Variants in ZNF615 observed in about 807,000 individuals in gnomAD.
ZNF615 encodes the protein zinc finger protein 615.
Under a neutral mutation model 15.3 loss-of-function variants are expected in ZNF615, and 15 were observed. The observed-to-expected ratio is 0.98, with a 90% CI of 0.66 to 1.51. ZNF615 has a LOEUF of 1.51. Ranked by LOEUF, ZNF615 falls within the 40% of genes most tolerant of loss-of-function variation. The pLI is 0.00. For synonymous variants in ZNF615, 268 were observed against 294.6 expected (o/e 0.91, Z 0.92); for missense variants, 848 against 895.9 (o/e 0.95, Z 0.68).
Position 51,994,050 on chromosome 19 carries a change from T to C in ZNF615, c.1059A>G (p.Lys353=), listed in dbSNP as rs2086339484. The C allele has an allele frequency of 3.1e-6, 5 of 1,613,954 alleles. No homozygotes were observed. The South Asian group carries it at 4.4e-5, about 14-fold the overall frequency. Residue 353 remains lysine (K), a synonymous_variant, in exon 7 of 7, where the codon AAA becomes AAG. Transcript: ENST00000598071. ...TTHQKTHTGE[K]PYICSECGKG... The stretch of plus-strand genomic sequence containing the variant: ...TTCCACATTCACTACATATATAAGG[T>C]TTTTCTCCTGTATGAGTTTTCTGAT...
intron 6 of ZNF615, among the ~76,000 whole-genome samples, chr19:51,995,788 T>C (rs996182502): frequency 6.6e-6 from 1 of 151,460 alleles, no homozygotes; most frequent in Non-Finnish European, 1.5e-5. Context: ...TCTAGGCTGG[T>C]CTCACAAGCT....
At chr19:51,995,201 A>G (rs1568499274) in intron 6 of ZNF615, among the ~76,000 whole-genome samples, 1 of 152,242 alleles carries the variant, frequency 6.6e-6, no homozygotes, top group African/African-American at 2.4e-5. Context: ...TCTCTTACAC[A>G]TAAAGGAAAT....
intron 2 of ZNF615, among the ~76,000 whole-genome samples, chr19:52,006,067 T>C (rs187915736): frequency 6.6e-6 from 1 of 152,316 alleles, no homozygotes; most frequent in East Asian, 1.9e-4. Context: ...CCTAAAACTT[T>C]CTTAAAAGGT....
At position 51,994,272 on chromosome 19, in the gene ZNF615, G is replaced by A. The variant is rs754207125; in HGVS notation, c.837C>T (p.Thr279=). 2 of 1,613,970 alleles carry A rather than the reference G, an allele frequency of 1.2e-6. No homozygotes were observed. Among genetic ancestry groups the A allele is most frequent in the African/African-American group, 1.3e-5 (1 of 74,908 alleles). ...TATTGAGCTGTGATTTCTTGAGGAAGGTTTTGTCACATTCAGTGCATTCAT... is the reference window on the plus strand; with the variant it reads ...TATTGAGCTGTGATTTCTTGAGGAAAGTTTTGTCACATTCAGTGCATTCAT... ...KHYECTECDK[T]FLKKSQLNIH... is the part of the protein sequence containing the mutation. Residue 279 remains threonine, a synonymous_variant, in exon 7 of 7, where the codon ACC becomes ACT. Coordinates refer to ENST00000598071, the MANE Select transcript of ZNF615 (RefSeq NM_001199324.2).
At chr19:52,002,346 G>A in intron 3 of ZNF615, 65 bp from the exon 4 acceptor site, 1 of 1,610,942 alleles carries the variant, frequency 6.2e-7, no homozygotes, top group South Asian at 1.1e-5. Flanking sequence ...GAATGTCAAG[G>A]AAGTCATTCC....
In ZNF615 at chr19:52,003,911, A is replaced by C; in HGVS notation, c.-189-11T>G. The C allele has an allele frequency of 5.8e-6, 8 of 1,370,058 alleles. No individual in the cohort carries two copies. Among genetic ancestry groups the C allele is most frequent in the Non-Finnish European group, 6.6e-6 (7 of 1,063,336 alleles). The allele number at this position is 1,370,058 out of a possible 1,614,324, so 84.9% of individuals were successfully genotyped here. A position where few individuals can be genotyped will look rare whatever the true frequency, so the allele number is the denominator to read the frequency against. On this transcript the variant is annotated splice_polypyrimidine_tract_variant and intron_variant, in intron 2 of 6. Coordinates refer to ENST00000598071, the MANE Select transcript of ZNF615 (RefSeq NM_001199324.2). ...CTCAGCACCTGTGGGCTGAAGAGCA[A>C]ATTACTCTGAGTGGTACATTCTTTT...
rs528150579 is a variant in ZNF615 at position 51,997,320 on chromosome 19, T to C, written c.272-2483A>G. Among the ~76,000 whole-genome samples, 66 of 152,084 alleles carry C rather than the reference T, an allele frequency of 4.3e-4. 1 individual carries two copies. The South Asian group carries it at 0.013, about 31-fold the overall frequency. On this transcript the variant is annotated intron_variant, in intron 6 of 6. Transcript: ENST00000598071. ...AAAATAAAGAAAAGAAATCATAAAT[T>C]TAAAAAACAGAAGAATGTGAGATCC...
Position 52,000,325 on chromosome 19 carries a change from CAAT to C in ZNF615, c.271+18_271+20del, listed in dbSNP as rs2086554889. 1.6e-6 allele frequency: 1 copy of C among 615,686 alleles called. No homozygotes were observed. The highest frequency in any genetic ancestry group is 2.9e-5 in the East Asian group (1 of 34,212). The allele number at this position is 615,686 out of a possible 1,614,324, so 38.1% of individuals were successfully genotyped here. Reference sequence around the variant, plus strand: ...CTTCTAGTGAATCCTCGGCATCAGGCAATATATCCATGAGACAAACCTGCATAT... The same window carrying C: ...CTTCTAGTGAATCCTCGGCATCAGGCATATCCATGAGACAAACCTGCATAT... On this transcript the variant is annotated intron_variant, in intron 6 of 6. Transcript: ENST00000598071.
chr19:52,007,426 T>G, intron 1 of ZNF615, 96 bp from the exon 2 acceptor site: 1 of 670,494 alleles, frequency 1.5e-6, no homozygotes, highest in South Asian at 1.7e-5. Flanking sequence ...TTAGGTATGC[T>G]AGATGACTGA....
At position 52,003,835 on chromosome 19, in the gene ZNF615, C is replaced by A; in HGVS notation, c.-124G>T. ...TCAAGGATGTCCCCAGAAATGATGA[C>A]ACCCAAGTCTTGGAAACTCCGCCTC... is the stretch of plus-strand genomic sequence containing the variant. On this transcript the variant is annotated 5_prime_UTR_variant, in exon 3 of 7. Transcript: ENST00000598071. 6.5e-7 allele frequency: 1 copy of A among 1,531,064 alleles called. No individual in the cohort carries two copies. Among genetic ancestry groups the A allele is most frequent in the Non-Finnish European group, 8.7e-7 (1 of 1,142,896 alleles). The allele number at this position is 1,531,064 out of a possible 1,614,324, so 94.8% of individuals were successfully genotyped here. A position where few individuals can be genotyped will look rare whatever the true frequency, so the allele number is the denominator to read the frequency against.
chr19:52,002,471 G>C, intron 3 of ZNF615, 190 bp from the exon 4 acceptor site: 1 of 810,740 alleles, frequency 1.2e-6, no homozygotes, highest in South Asian at 1.4e-5. Flanking sequence ...ATTCAACAAT[G>C]TTGAAAAGTC....
rs2086629916 is a variant in ZNF615 at position 52,002,511 on chromosome 19, A to G, written c.16-230T>C. 3 of 626,334 alleles carry G rather than the reference A, an allele frequency of 4.8e-6. No individual in the cohort carries two copies. The Admixed American group carries it at 6.4e-5, about 13-fold the overall frequency. 38.8% of individuals were successfully genotyped at this position (626,334 alleles called of 1,614,324 possible). On this transcript the variant is annotated intron_variant, in intron 3 of 6. Coordinates refer to ENST00000598071, the MANE Select transcript of ZNF615 (RefSeq NM_001199324.2). ...AAATGTCTGTAATACACAGCTATCC[A>G]ATCCTCTTGCTAATGAAAGAACATC...
At chr19:52,007,965 T>C in intron 1 of ZNF615, 176 bp downstream of exon 1, 1 of 618,016 alleles carries the variant, frequency 1.6e-6, no homozygotes, top group Non-Finnish European at 2.9e-6. Context: ...GGACCTCTTG[T>C]AGTTCCCCTG....
In ZNF615 at chr19:51,994,105, G is replaced by T; in HGVS notation, c.1004C>A (p.Ala335Asp). 1 of 1,613,654 alleles carries T rather than the reference G, an allele frequency of 6.2e-7. No homozygotes were observed. Among genetic ancestry groups the T allele is most frequent in the Non-Finnish European group, 8.5e-7 (1 of 1,179,898 alleles). The part of the protein sequence containing the change: ...KPHGCSVCGK[A>D]FSTKFSLTTH... The stretch of plus-strand genomic sequence containing the variant: ...AGTGAGACTGAACTTTGTAGAGAAG[G>T]CCTTCCCACATACACTGCATCCATG... The change falls in exon 7 of 7, where the codon GCC becomes GAC. Residue 335 changes from alanine (A) to aspartate (D), a missense_variant. Ala to Asp is a moderately radical substitution (Grantham distance 126, BLOSUM62 -2). Coordinates refer to ENST00000598071, the MANE Select transcript of ZNF615 (RefSeq NM_001199324.2).
chr19:52,001,616 CA>C (rs200193378), intron 5 of ZNF615, among the ~76,000 whole-genome samples, 196 bp downstream of exon 5: 5,615 of 105,264 alleles, frequency 0.053, 139 homozygotes, highest in Middle Eastern at 0.11. Context: ...GACTCCATCT[CA>C]AAAAAAAAAA....
chr19:51,994,345 T>C lies in ZNF615; in HGVS notation c.764A>G (p.Lys255Arg). The C allele has an allele frequency of 6.2e-7, 1 of 1,614,164 alleles. No homozygotes were observed. The highest frequency in any genetic ancestry group is 1.3e-5 in the African/African-American group (1 of 75,060). The change falls in exon 7 of 7, where the codon AAA (lysine) becomes AGA (arginine). Residue 255 changes from lysine to arginine, a missense_variant. Coordinates refer to ENST00000598071, the MANE Select transcript of ZNF615 (RefSeq NM_001199324.2). The part of the protein sequence containing the change: ...CSMCGKAFSR[K>R]SRLMDHQRTH... ...TCTCTGATGGTCCATTAGTCTGGAT[T>C]TTCTGGAGAAAGCTTTCCCACACAT...
intron 6 of ZNF615, among the ~76,000 whole-genome samples, chr19:51,997,524 G>T (rs550602616): frequency 6.6e-6 from 1 of 152,150 alleles, no homozygotes; most frequent in South Asian, 2.1e-4. Context: ...ATACTATCCC[G>T]TGTTGCTACA....
chr19:51,992,592 T>C lies in ZNF615; in HGVS notation c.*288A>G, dbSNP rs1481780924. On this transcript the variant is annotated 3_prime_UTR_variant, in exon 7 of 7. Transcript: ENST00000598071. ...AAGACGTTCCTATAATTATTACATTTCCACGAATTAGTAGTTTATTCATGA... is the reference window on the plus strand; with the variant it reads ...AAGACGTTCCTATAATTATTACATTCCCACGAATTAGTAGTTTATTCATGA... 1 of 300,248 alleles carries C rather than the reference T, an allele frequency of 3.3e-6. No homozygotes were observed. Among genetic ancestry groups the C allele is most frequent in the Non-Finnish European group, 6.2e-6 (1 of 162,502 alleles). The allele number at this position is 300,248 out of a possible 1,614,324, so 18.6% of individuals were successfully genotyped here. A position where few individuals can be genotyped will look rare whatever the true frequency, so the allele number is the denominator to read the frequency against.
At chr19:52,000,411 TA>T (rs1159453893) in intron 5 of ZNF615, 33 bp from the exon 6 acceptor site, 15 of 611,284 alleles carry the variant, frequency 2.5e-5, no homozygotes, top group African/African-American at 1.8e-4. Context: ...AAAATAAAAT[TA>T]AAAAAATAAA....
Sources: allele counts gnomAD v4.1 joint callset (sites outside exome capture counted in the v4.1 genomes callset), GRCh38; gene constraint gnomAD v4.1.1; transcripts MANE v1.5; gene names NCBI Gene and HGNC (gene_info 2026-07-23, HGNC 2026-07-21).